Variants in TNFSF4 observed in about 807,000 individuals in gnomAD.
TNFSF4 encodes TNF superfamily member 4.
Under a neutral mutation model 7.3 loss-of-function variants are expected in TNFSF4, and 4 were observed. The ratio of observed to expected loss-of-function variants is 0.55; its 90% CI spans 0.27 to 1.25. TNFSF4 has a LOEUF of 1.25. Among genes scored for constraint, TNFSF4 ranks in the 50% most tolerant of loss-of-function variants. The pLI, the probability that TNFSF4 is intolerant of heterozygous loss-of-function variation, is 0.12. For synonymous variants in TNFSF4, 76 were observed against 83.7 expected (o/e 0.91, Z 0.50); for missense variants, 181 against 208.8 (o/e 0.87, Z 0.82).
chr1:173,408,938 C>T, the TNFSF4 span, among the ~76,000 whole-genome samples: 2 of 152,052 alleles, frequency 1.3e-5, no homozygotes, highest in African/African-American at 4.8e-5. Flanking sequence ...AAAATATTTA[C>T]AAATTTTTTT....
the TNFSF4 span, among the ~76,000 whole-genome samples, chr1:173,226,919 A>T: frequency 6.6e-6 from 1 of 152,268 alleles, no homozygotes; most frequent in East Asian, 1.9e-4. Flanking sequence ...ATATAGAGAA[A>T]AGGGGAAGTA....
At chr1:173,324,137 G>A in the TNFSF4 span, among the ~76,000 whole-genome samples, 141 of 152,216 alleles carry the variant, frequency 9.3e-4, no homozygotes, top group Non-Finnish European at 1.5e-3. Flanking sequence ...TCACAAAGGG[G>A]AGCCCATCAG....
At chr1:173,393,679 A>G in the TNFSF4 span, among the ~76,000 whole-genome samples, 1 of 152,246 alleles carries the variant, frequency 6.6e-6, no homozygotes, top group African/African-American at 2.4e-5. Flanking sequence ...GCTATAGATT[A>G]TACAGTTTTC....
At chr1:173,309,357 T>C in the TNFSF4 span, among the ~76,000 whole-genome samples, 23 of 151,960 alleles carry the variant, frequency 1.5e-4, no homozygotes, top group Admixed American at 1.1e-3. Flanking sequence ...TTTTTAACTA[T>C]GTACTTTTTA....
chr1:173,336,659 G>A, the TNFSF4 span, among the ~76,000 whole-genome samples: 3 of 152,034 alleles, frequency 2.0e-5, no homozygotes, highest in South Asian at 2.1e-4. Flanking sequence ...TATCACATTC[G>A]TCCATTACAT....
chr1:173,352,000 T>C, the TNFSF4 span: 1 of 450,554 alleles, frequency 2.2e-6, no homozygotes, highest in Non-Finnish European at 4.0e-6. Context: ...ATTGAGGAGA[T>C]GCAGGAATAA....
the TNFSF4 span, among the ~76,000 whole-genome samples, chr1:173,319,032 G>C: frequency 2.0e-5 from 3 of 152,206 alleles, no homozygotes; most frequent in Non-Finnish European, 4.4e-5. Context: ...AAGCCAGGGG[G>C]CCAAGTGTTC....
At chr1:173,319,826 C>G in the TNFSF4 span, among the ~76,000 whole-genome samples, 1 of 152,084 alleles carries the variant, frequency 6.6e-6, no homozygotes, top group Non-Finnish European at 1.5e-5. Context: ...AAAGAAGACC[C>G]CCCCACAAAA....
At chr1:173,392,192 G>A in the TNFSF4 span, among the ~76,000 whole-genome samples, 2 of 152,024 alleles carry the variant, frequency 1.3e-5, no homozygotes, top group Admixed American at 1.3e-4. Context: ...TAACCCTGTG[G>A]GCCCCAATTT....
At chr1:173,231,270 G>A in the TNFSF4 span, among the ~76,000 whole-genome samples, 1 of 152,190 alleles carries the variant, frequency 6.6e-6, no homozygotes, top group Admixed American at 6.5e-5. Context: ...CTTCACCCCT[G>A]GGATGCAAGG....
chr1:173,210,228 TCCTCAGGGAGGTCACAGA>T (rs1650328555), upstream of TNFSF4, among the ~76,000 whole-genome samples: 2 of 152,160 alleles, frequency 1.3e-5, no homozygotes, highest in Non-Finnish European at 2.9e-5. Context: ...ACATTTTTAG[TCCTCAGGGAGGTCACAGA>T]CAGGAAAGCG....
At chr1:173,404,687 A>G in the TNFSF4 span, among the ~76,000 whole-genome samples, 1 of 149,954 alleles carries the variant, frequency 6.7e-6, no homozygotes, top group Non-Finnish European at 1.5e-5. Context: ...GCTGGAGTGC[A>G]GTGGCACGAT....
the TNFSF4 span, among the ~76,000 whole-genome samples, chr1:173,238,364 C>A: frequency 6.6e-6 from 1 of 152,084 alleles, no homozygotes; most frequent in African/African-American, 2.4e-5. Flanking sequence ...AACAAAAATG[C>A]CAAAAGCAAT....
chr1:173,333,562 A>G, the TNFSF4 span, among the ~76,000 whole-genome samples: 4 of 152,008 alleles, frequency 2.6e-5, no homozygotes, highest in African/African-American at 4.8e-5. Context: ...ATGGGAATAG[A>G]ACACTATTCC....
chr1:173,352,692 G>C, the TNFSF4 span, among the ~76,000 whole-genome samples: 2 of 152,170 alleles, frequency 1.3e-5, no homozygotes, highest in Non-Finnish European at 2.9e-5. Context: ...CACTGTGCAC[G>C]CATTGTCATT....
At chr1:173,256,343 C>T in the TNFSF4 span, among the ~76,000 whole-genome samples, 2 of 152,058 alleles carry the variant, frequency 1.3e-5, no homozygotes, top group African/African-American at 4.8e-5. Context: ...GTTCCAGGGC[C>T]CTCTTCCTGG....
chr1:173,398,409 C>CT, the TNFSF4 span, among the ~76,000 whole-genome samples: 15,112 of 101,658 alleles, frequency 0.15, 910 homozygotes, highest in Non-Finnish European at 0.16. Flanking sequence ...TATTTCTTTT[C>CT]TTTTTTTTTT....
chr1:173,337,701 T>C, the TNFSF4 span, among the ~76,000 whole-genome samples: 1 of 152,332 alleles, frequency 6.6e-6, no homozygotes, highest in South Asian at 2.1e-4. Flanking sequence ...TGAGTGTTCA[T>C]TTTGTTTGAA....
chr1:173,324,013 G>A, the TNFSF4 span, among the ~76,000 whole-genome samples: 9 of 152,176 alleles, frequency 5.9e-5, no homozygotes, highest in Admixed American at 3.3e-4. Context: ...TACATAGAAC[G>A]CCACAAAGAT....
Sources: allele counts gnomAD v4.1 joint callset (sites outside exome capture counted in the v4.1 genomes callset), GRCh38; gene constraint gnomAD v4.1.1; transcripts MANE v1.5; gene names NCBI Gene and HGNC (gene_info 2026-07-23, HGNC 2026-07-21).